SIK3: variants seen among roughly 807,000 people sequenced by gnomAD.
The protein encoded by SIK3 is SIK family kinase 3.
SIK3 carries 28 observed loss-of-function variants against 144.2 expected under a neutral mutation model. The ratio of observed to expected loss-of-function variants is 0.19; its 90% CI spans 0.14 to 0.27. The LOEUF (loss-of-function observed/expected upper bound fraction) is 0.27. Among genes scored for constraint, SIK3 ranks in the 10% least tolerant of loss-of-function variants. The pLI is 1.00. For synonymous variants in SIK3, 686 were observed against 676.3 expected (o/e 1.01, Z -0.22); for missense variants, 1,319 against 1,776.0 (o/e 0.74, Z 4.62).
intron 1 of SIK3, among the ~76,000 whole-genome samples, chr11:116,977,139 G>C (rs1330885716): frequency 6.6e-6 from 1 of 152,102 alleles, no homozygotes; most frequent in East Asian, 1.9e-4. Context: ...CGGATCAGCA[G>C]ACATGCAAAG....
At chr11:117,018,515 C>T (rs1365092809) in intron 1 of SIK3, among the ~76,000 whole-genome samples, 2 of 152,022 alleles carry the variant, frequency 1.3e-5, no homozygotes, top group African/African-American at 4.8e-5. Flanking sequence ...TCTAAATCAT[C>T]TTCATGAGAT....
rs185222257 is a variant in SIK3 at position 116,927,855 on chromosome 11, C to T, written c.455-475G>A. On this transcript the variant is annotated intron_variant, in intron 3 of 24. Transcript: ENST00000445177. ...TCACTGCTAGGGGGAGAAAACTCCT[C>T]GACAGAGCACTCTGTTTAGGTTACT... 7.2e-5 allele frequency among the ~76,000 whole-genome samples: 11 copies of T among 151,852 alleles called. 2 individuals carry two copies. Among genetic ancestry groups the T allele is most frequent in the African/African-American group, 2.6e-4 (11 of 41,558 alleles).
intron 1 of SIK3, among the ~76,000 whole-genome samples, chr11:117,091,827 G>C (rs753409129): frequency 9.9e-5 from 15 of 152,128 alleles, no homozygotes; most frequent in Admixed American, 3.9e-4. Flanking sequence ...CTGTCACCCA[G>C]GCTGGGATAC....
At chr11:116,978,137 G>T (rs1423728823) in intron 1 of SIK3, among the ~76,000 whole-genome samples, 1 of 152,000 alleles carries the variant, frequency 6.6e-6, no homozygotes, top group Non-Finnish European at 1.5e-5. Context: ...AGAATTGCTT[G>T]AACCGGGGAG....
intron 1 of SIK3, among the ~76,000 whole-genome samples, chr11:116,973,057 C>T (rs1949819452): frequency 1.3e-5 from 2 of 152,160 alleles, no homozygotes; most frequent in Admixed American, 6.5e-5. Flanking sequence ...ACTACCTGAA[C>T]GATCTCGTAA....
chr11:117,077,279 C>T (rs1383640228), intron 1 of SIK3, among the ~76,000 whole-genome samples: 4 of 152,330 alleles, frequency 2.6e-5, no homozygotes, highest in Admixed American at 2.0e-4. Flanking sequence ...TTGGACCTAG[C>T]CTATGAAGCA....
intron 21 of SIK3, among the ~76,000 whole-genome samples, chr11:116,853,286 C>G (rs1942609975): frequency 6.6e-6 from 1 of 152,162 alleles, no homozygotes; most frequent in Non-Finnish European, 1.5e-5. Context: ...TTGGGGGGTA[C>G]AAACAGACTA....
intron 1 of SIK3, among the ~76,000 whole-genome samples, chr11:117,021,959 A>AAAAAAAAAAAAAAAAAAAAAAAC (rs1565565812): frequency 7.1e-6 from 1 of 141,468 alleles, no homozygotes; most frequent in African/African-American, 2.7e-5. Context: ...AAAAAAAAAA[A>AAAAAAAAAAAAAAAAAAAAAAAC]AACCTAAAAA....
intron 6 of SIK3, among the ~76,000 whole-genome samples, chr11:116,891,174 ATGGTGCT>A (rs1945082616): frequency 6.6e-6 from 1 of 152,072 alleles, no homozygotes; most frequent in African/African-American, 2.4e-5. Flanking sequence ...GACGGGCATG[ATGGTGCT>A]TGGTGCTTGC....
chr11:116,996,814 T>A (rs1301889612), intron 1 of SIK3, among the ~76,000 whole-genome samples: 19 of 77,846 alleles, frequency 2.4e-4, no homozygotes, highest in Admixed American at 1.6e-3. Flanking sequence ...AGGGAGACTC[T>A]CTCTCAAAAA....
chr11:116,876,201 A>G lies in SIK3; in HGVS notation c.1095+52T>C. 5 of 1,541,454 alleles carry G rather than the reference A, an allele frequency of 3.2e-6. No individual in the cohort carries two copies. In the South Asian group the frequency reaches 5.9e-5, roughly 18 times the overall value. On this transcript the variant is annotated intron_variant, in intron 8 of 24. Transcript: ENST00000445177. ...CGAGAAGGCGAAAAATGGAAAAAGC[A>G]GGTTAGAGGAACTGCTACATCCCAC...
At chr11:116,905,139 GCTTTCTA>G (rs1366526689) in intron 4 of SIK3, 1 of 155,588 alleles carries the variant, frequency 6.4e-6, no homozygotes, top group Non-Finnish European at 1.5e-5. Flanking sequence ...CCAGCCCTAG[GCTTTCTA>G]CTTTCTGTCT....
intron 1 of SIK3, among the ~76,000 whole-genome samples, chr11:116,978,128 G>C (rs1950014782): frequency 6.6e-6 from 1 of 151,996 alleles, no homozygotes; most frequent in Non-Finnish European, 1.5e-5. Context: ...TGAGGCAGGA[G>C]AATTGCTTGA....
intron 1 of SIK3, among the ~76,000 whole-genome samples, chr11:117,031,294 T>A (rs1952244892): frequency 2.0e-5 from 3 of 151,746 alleles, no homozygotes; most frequent in Admixed American, 2.0e-4. Flanking sequence ...TGTTTTACAT[T>A]TAAGTCCATG....
At chr11:116,973,100 C>A (rs1436669917) in intron 1 of SIK3, among the ~76,000 whole-genome samples, 1 of 152,166 alleles carries the variant, frequency 6.6e-6, no homozygotes, top group Non-Finnish European at 1.5e-5. Context: ...CTCCAGGTGA[C>A]AATGCAGTCC....
chr11:117,041,100 C>G (rs563726110), intron 1 of SIK3, among the ~76,000 whole-genome samples: 3 of 151,786 alleles, frequency 2.0e-5, no homozygotes, highest in Admixed American at 1.3e-4. Flanking sequence ...TAATATTGCT[C>G]AAAGTGGAAT....
chr11:116,916,572 G>A (rs1424812791), intron 4 of SIK3, among the ~76,000 whole-genome samples: 2 of 149,758 alleles, frequency 1.3e-5, no homozygotes, highest in African/African-American at 4.9e-5. Flanking sequence ...GTGCAGTGGC[G>A]CAATCTCAGC....
intron 1 of SIK3, among the ~76,000 whole-genome samples, chr11:117,069,188 G>A (rs977047578): frequency 1.8e-5 from 2 of 108,772 alleles, no homozygotes; most frequent in Admixed American, 8.4e-5. Flanking sequence ...TTTTTTTGGG[G>A]GGGGGGGGGT....
chr11:116,898,035 AC>A (rs1311998684), intron 4 of SIK3, among the ~76,000 whole-genome samples: 2 of 152,236 alleles, frequency 1.3e-5, no homozygotes, highest in East Asian at 1.9e-4. Context: ...CAGGTTAGTT[AC>A]ATATGTATAC....
Sources: gnomAD v4.1 joint callset for allele counts (sites outside exome capture counted in the v4.1 genomes callset) on GRCh38, gnomAD v4.1.1 for gene constraint, MANE v1.5 for transcripts, NCBI Gene and HGNC (gene_info 2026-07-23, HGNC 2026-07-21) for gene names.